The following ZNF469 variants were observed in gnomAD, a reference collection of about 807,000 sequenced individuals.
The protein encoded by ZNF469 is zinc finger protein 469.
In ZNF469, 1 loss-of-function variant was observed where a neutral mutation model predicts 1.0. The observed-to-expected ratio is 1.00, with a 90% CI of 0.35 to 4.73. ZNF469 has a LOEUF of 4.73. Among genes scored for constraint, ZNF469 ranks in the 30% most tolerant of loss-of-function variants. The pLI, the probability that ZNF469 is intolerant of heterozygous loss-of-function variation, is 0.16. For missense variants in ZNF469, 6,100 were observed against 5,356.3 expected, an observed-to-expected ratio of 1.14 and a Z score of -4.33; for synonymous variants, 2,703 against 2,363.4, an observed-to-expected ratio of 1.14 and a Z score of -4.17.
At chr16:88,122,818 ACT>A in the ZNF469 span, among the ~76,000 whole-genome samples, 7 of 151,836 alleles carry the variant, frequency 4.6e-5, no homozygotes, top group African/African-American at 1.7e-4. Flanking sequence ...TATATGCTTA[ACT>A]CTGTGTATAT....
chr16:88,430,590 G>A lies in ZNF469; in HGVS notation c.3120G>A (p.Lys1040=). Residue 1040 remains lysine (K), a synonymous_variant, in exon 3 of 3, where the codon AAG becomes AAA. Coordinates refer to ENST00000565624, the MANE Select transcript of ZNF469 (RefSeq NM_001367624.2). ...LPPRKDPRKR[K]ARGGAWGKEL... is the part of the protein sequence containing the mutation. ...CCAGGAAGGACCCCAGGAAGAGGAA[G>A]GCTCGGGGCGGCGCCTGGGGCAAGG... The A allele has an allele frequency of 6.7e-7, 1 of 1,501,764 alleles. No homozygotes were observed. Among genetic ancestry groups the A allele is most frequent in the Non-Finnish European group, 8.8e-7 (1 of 1,132,302 alleles). 93.0% of individuals were successfully genotyped at this position (1,501,764 alleles called of 1,614,324 possible). A position where few individuals can be genotyped will look rare whatever the true frequency, so the allele number is the denominator to read the frequency against.
chr16:88,420,091 A>T (rs1905413012), intron 1 of ZNF469, among the ~76,000 whole-genome samples: 1 of 152,212 alleles, frequency 6.6e-6, no homozygotes, highest in African/African-American at 2.4e-5. Flanking sequence ...TGTGTGGGGA[A>T]GACAGGGCAC....
chr16:88,129,276 G>A, the ZNF469 span, among the ~76,000 whole-genome samples: 26,976 of 152,016 alleles, frequency 0.18, 3,038 homozygotes, highest in African/African-American at 0.32. Context: ...CCTTAGGGTC[G>A]TCTCGGCCTC....
chr16:88,160,223 A>G, the ZNF469 span, among the ~76,000 whole-genome samples: 2 of 152,130 alleles, frequency 1.3e-5, no homozygotes, highest in Non-Finnish European at 2.9e-5. Flanking sequence ...TCGCTTGCCA[A>G]TCTCCCTTTG....
the ZNF469 span, among the ~76,000 whole-genome samples, chr16:88,241,315 C>T: frequency 2.6e-4 from 40 of 151,234 alleles, no homozygotes; most frequent in African/African-American, 9.5e-4. The surrounding 1 kb of genome is among the most constrained non-coding windows in gnomAD (Gnocchi z 4.8). Context: ...GCCAAGATCG[C>T]GCCACTGCAC....
chr16:88,365,718 A>G, the ZNF469 span, among the ~76,000 whole-genome samples: 1 of 152,300 alleles, frequency 6.6e-6, no homozygotes, highest in Admixed American at 6.5e-5. Flanking sequence ...GTATGGCTTC[A>G]GGGCTGAGTG....
the ZNF469 span, among the ~76,000 whole-genome samples, chr16:88,101,537 C>T: frequency 8.0e-6 from 1 of 125,044 alleles, no homozygotes; most frequent in South Asian, 2.9e-4. Flanking sequence ...ACGTGCATCT[C>T]ATTACGCTTT....
chr16:88,423,563 T>C (rs1905575302), intron 1 of ZNF469, among the ~76,000 whole-genome samples: 1 of 152,194 alleles, frequency 6.6e-6, no homozygotes, highest in Non-Finnish European at 1.5e-5. Context: ...TATCTCTTAG[T>C]TTCCAAAGGT....
At chr16:88,146,488 G>T in the ZNF469 span, among the ~76,000 whole-genome samples, 1 of 152,138 alleles carries the variant, frequency 6.6e-6, no homozygotes, top group African/African-American at 2.4e-5. Context: ...GCTAAGGTGA[G>T]GCCCGGGGAG....
the ZNF469 span, among the ~76,000 whole-genome samples, chr16:88,322,040 G>C: frequency 1.3e-5 from 2 of 152,248 alleles, no homozygotes; most frequent in African/African-American, 4.8e-5. Context: ...GCATGAGAGA[G>C]AGGCCTCACT....
intron 2 of ZNF469, among the ~76,000 whole-genome samples, chr16:88,426,263 G>C (rs946033391): frequency 2.6e-5 from 4 of 152,232 alleles, no homozygotes; most frequent in African/African-American, 7.2e-5. Flanking sequence ...CCGCCTCTCT[G>C]GGCCTGCCAT....
chr16:88,122,992 G>A, the ZNF469 span, among the ~76,000 whole-genome samples: 2,651 of 152,136 alleles, frequency 0.017, 81 homozygotes, highest in African/African-American at 0.058. Context: ...ATTGGGTCCA[G>A]CTGCAATTGT....
At chr16:88,225,141 C>G in the ZNF469 span, among the ~76,000 whole-genome samples, 20 of 152,388 alleles carry the variant, frequency 1.3e-4, no homozygotes, top group Non-Finnish European at 2.2e-4. Context: ...AGTTTGGACT[C>G]TGCCCAACCT....
the ZNF469 span, among the ~76,000 whole-genome samples, chr16:88,311,103 T>A: frequency 6.6e-6 from 1 of 152,190 alleles, no homozygotes; most frequent in Non-Finnish European, 1.5e-5. Context: ...CCTGGGCATT[T>A]TGTGGATCAT....
At chr16:88,144,812 T>C in the ZNF469 span, among the ~76,000 whole-genome samples, 2 of 152,138 alleles carry the variant, frequency 1.3e-5, no homozygotes, top group East Asian at 3.9e-4. Context: ...CTAGAGTCTC[T>C]TATCTTGGGA....
At chr16:88,323,234 C>A in the ZNF469 span, among the ~76,000 whole-genome samples, 1 of 152,162 alleles carries the variant, frequency 6.6e-6, no homozygotes, top group East Asian at 1.9e-4. Context: ...CGAGGAGGGG[C>A]CCCGGAGGCC....
rs77490207 is a variant in ZNF469, at chr16:88,434,414, C to G, written c.6944C>G (p.Pro2315Arg). 4,809 of 1,549,764 alleles carry G rather than the reference C, an allele frequency of 3.1e-3. 136 individuals carry two copies. In the African/African-American group the frequency reaches 0.057, roughly 18 times the overall value. ...GPDPQSRGAP[P>R]HTNPDRMPRG... ...GACCCCCAGAGCAGGGGAGCCCCGC[C>G]CCACACCAACCCTGACAGGATGCCC... is the stretch of plus-strand genomic sequence containing the variant. Residue 2315 changes from proline to arginine, a missense_variant, in exon 3 of 3, where the codon CCC becomes CGC. Pro to Arg is a moderately radical substitution (Grantham distance 103). Coordinates refer to ENST00000565624, the MANE Select transcript of ZNF469 (RefSeq NM_001367624.2).
At chr16:88,109,750 C>T in the ZNF469 span, among the ~76,000 whole-genome samples, 6 of 150,686 alleles carry the variant, frequency 4.0e-5, no homozygotes, top group East Asian at 2.0e-4. Flanking sequence ...TCTGTGTCCA[C>T]GCTGTCTCCT....
At chr16:88,121,254 G>A in the ZNF469 span, among the ~76,000 whole-genome samples, 1 of 150,942 alleles carries the variant, frequency 6.6e-6, no homozygotes, top group Admixed American at 6.6e-5. Context: ...TGGGGGCGCT[G>A]TACTTGGTGC....
Sources: allele counts gnomAD v4.1 joint callset (sites outside exome capture counted in the v4.1 genomes callset), GRCh38; gene constraint gnomAD v4.1.1; non-coding constraint Gnocchi (gnomAD v3.1); transcripts MANE v1.5; gene names NCBI Gene and HGNC (gene_info 2026-07-23, HGNC 2026-07-21).